Variants in TOX2 observed in about 807,000 individuals in gnomAD.
TOX2 encodes TOX high mobility group box family member 2.
Under a neutral mutation model 47.4 loss-of-function variants are expected in TOX2, and 15 were observed. That is an observed-to-expected ratio of 0.32 (90% CI 0.21 to 0.49). TOX2 has a LOEUF of 0.49. TOX2 is among the 20% of genes least tolerant of loss of function. TOX2 has a pLI of 0.99. For missense variants in TOX2, 622 were observed against 673.1 expected (o/e 0.92, Z 0.84); for synonymous variants, 290 against 296.6 (o/e 0.98, Z 0.23).
chr20:43,933,532 G>A (rs1009596229), intron 1 of TOX2, among the ~76,000 whole-genome samples: 3 of 152,214 alleles, frequency 2.0e-5, no homozygotes, highest in African/African-American at 7.2e-5. Flanking sequence ...CAAGGCGCTT[G>A]TGTTAGGCTG....
At chr20:43,933,593 T>A (rs2069283825) in intron 1 of TOX2, among the ~76,000 whole-genome samples, 1 of 152,008 alleles carries the variant, frequency 6.6e-6, no homozygotes, top group Non-Finnish European at 1.5e-5. Context: ...AGAGGTTTGG[T>A]GGGGAGTGAT....
intron 3 of TOX2, among the ~76,000 whole-genome samples, chr20:44,015,132 T>C (rs2070856923): frequency 6.6e-6 from 1 of 152,144 alleles, no homozygotes; most frequent in Admixed American, 6.5e-5. Context: ...GGGGGAGCAC[T>C]GATCTCCCAA....
At chr20:44,011,355 G>A (rs1469262362) in intron 3 of TOX2, among the ~76,000 whole-genome samples, 1 of 152,132 alleles carries the variant, frequency 6.6e-6, no homozygotes, top group Non-Finnish European at 1.5e-5. Flanking sequence ...TGCCCTTGAG[G>A]GACTCCTGGT....
rs1555842270 is a variant in TOX2, at chr20:44,026,228, G to GATATATATATAGATATAT, written c.411+19447_411+19448insGATATATATATATATATA. ...TCGATCGAGTGGATAAAGAAACTGT[G>GATATATATATAGATATAT]ATATATATATATATATATATAGACA... On this transcript the variant is annotated intron_variant, in intron 3 of 8. Coordinates refer to ENST00000341197, the MANE Select transcript of TOX2 (RefSeq NM_001098797.2). Among the ~76,000 whole-genome samples the GATATATATATAGATATAT allele has an allele frequency of 5.0e-5, 3 of 60,242 alleles. 1 individual carries two copies. The highest frequency in any genetic ancestry group is 2.6e-4 in the Admixed American group (2 of 7,628). The allele number at this position is 60,242 out of a possible 152,430, so 39.5% of individuals were successfully genotyped here.
intron 4 of TOX2, among the ~76,000 whole-genome samples, chr20:44,053,789 A>G (rs755601644): frequency 9.3e-5 from 14 of 150,638 alleles, no homozygotes; most frequent in Non-Finnish European, 1.9e-4. Flanking sequence ...TTGATTCATT[A>G]TTCACTATTG....
chr20:43,961,473 G>A (rs1196999809), intron 1 of TOX2, among the ~76,000 whole-genome samples: 3 of 152,304 alleles, frequency 2.0e-5, no homozygotes, highest in South Asian at 2.1e-4. Context: ...GGAGAGCCAC[G>A]CAGAGGCCTT....
chr20:43,920,443 A>G lies in TOX2; in HGVS notation c.99+5453A>G, dbSNP rs1039807550. Among the ~76,000 whole-genome samples, 20 of 152,156 alleles carry G rather than the reference A, an allele frequency of 1.3e-4. 1 individual carries two copies. The highest frequency in any genetic ancestry group is 1.0e-3 in the Admixed American group (16 of 15,276). ...TTCTTCAGGGGCACAGGTGGCTGCT[A>G]ATGGGTCCCATGGAAGGTACCCTGG... On this transcript the variant is annotated intron_variant, in intron 1 of 8. Coordinates refer to ENST00000341197, the MANE Select transcript of TOX2 (RefSeq NM_001098797.2).
Position 43,988,236 on chromosome 20 carries a change from G to C in TOX2, c.165+14804G>C, listed in dbSNP as rs77020032. 9.3e-4 allele frequency among the ~76,000 whole-genome samples: 142 copies of C among 152,224 alleles called. 1 individual carries two copies. In the East Asian group the frequency reaches 0.024, roughly 26 times the overall value. The stretch of plus-strand genomic sequence containing the variant: ...CCTGGCCGAAACATCAACACTTAAA[G>C]CACATGCATATGTGTGTGTGTGTAT... On this transcript the variant is annotated intron_variant, in intron 2 of 8. Transcript: ENST00000341197.
intron 2 of TOX2, among the ~76,000 whole-genome samples, chr20:43,999,751 G>T (rs2070542625): frequency 6.6e-6 from 1 of 152,194 alleles, no homozygotes; most frequent in African/African-American, 2.4e-5. Flanking sequence ...GGAATTGCCA[G>T]GGGGCCTGAA....
Position 44,069,068 on chromosome 20 carries a change from C to T in TOX2, c.*382C>T, listed in dbSNP as rs534192320. ...CGGACACCCACCCCAGATGCATGGG[C>T]CAGAGGGCCGGCCCCCGGCATAGAT... On this transcript the variant is annotated 3_prime_UTR_variant, in exon 9 of 9. Transcript: ENST00000341197. The T allele has an allele frequency of 3.3e-5, 13 of 392,744 alleles. No individual in the cohort carries two copies. The highest frequency in any genetic ancestry group is 5.9e-5 in the Non-Finnish European group (12 of 203,266). The allele number at this position is 392,744 out of a possible 1,614,324, so 24.3% of individuals were successfully genotyped here.
intron 3 of TOX2, among the ~76,000 whole-genome samples, chr20:44,022,316 G>T (rs11905020): frequency 0.015 from 2,287 of 151,670 alleles, 65 homozygotes; most frequent in African/African-American, 0.051. Context: ...GTTTTTTTTT[G>T]TGTGTGTAAA....
At chr20:43,951,073 C>G (rs1456244157) in intron 1 of TOX2, among the ~76,000 whole-genome samples, 1 of 152,036 alleles carries the variant, frequency 6.6e-6, no homozygotes, top group Admixed American at 6.5e-5. Context: ...CTGCATTGGC[C>G]AGAAGCCCCT....
At chr20:44,026,228 G>GAGATATATATATATATATATATATAT (rs1555842268) in intron 3 of TOX2, among the ~76,000 whole-genome samples, 13 of 60,250 alleles carry the variant, frequency 2.2e-4, no homozygotes, top group Non-Finnish European at 3.1e-4. Context: ...AAGAAACTGT[G>GAGATATATATATATATATATATATAT]ATATATATAT....
intron 1 of TOX2, among the ~76,000 whole-genome samples, chr20:43,937,905 G>A (rs917360006): frequency 2.0e-5 from 3 of 152,162 alleles, no homozygotes; most frequent in African/African-American, 7.2e-5. Flanking sequence ...GCACAGATTG[G>A]AAAAATGGGA....
At chr20:44,027,853 G>C (rs774420328) in intron 3 of TOX2, among the ~76,000 whole-genome samples, 10 of 152,284 alleles carry the variant, frequency 6.6e-5, no homozygotes, top group South Asian at 4.1e-4. Flanking sequence ...CAAATGCTTC[G>C]AGGTGGAGGA....
intron 3 of TOX2, among the ~76,000 whole-genome samples, chr20:44,020,268 A>G (rs528671635): frequency 1.3e-5 from 2 of 152,292 alleles, no homozygotes; most frequent in African/African-American, 4.8e-5. Flanking sequence ...ACAGGCCAGA[A>G]GTAGGTGGAG....
At chr20:44,021,637 A>G (rs770099534) in intron 3 of TOX2, among the ~76,000 whole-genome samples, 40 of 151,552 alleles carry the variant, frequency 2.6e-4, no homozygotes, top group Admixed American at 7.9e-4. Flanking sequence ...CACTAGGTCG[A>G]CTTTTTTTTG....
chr20:43,942,257 A>G (rs1381658048), intron 1 of TOX2, among the ~76,000 whole-genome samples: 1 of 152,198 alleles, frequency 6.6e-6, no homozygotes, highest in East Asian at 1.9e-4. Flanking sequence ...TCTTAACATT[A>G]GTAAACAGAG....
chr20:43,997,006 T>C, intron 2 of TOX2, among the ~76,000 whole-genome samples: 1 of 152,182 alleles, frequency 6.6e-6, no homozygotes, highest in East Asian at 1.9e-4. Context: ...CCAAGAATCA[T>C]TTCTCACCAT....
Sources: gnomAD v4.1 joint callset for allele counts (sites outside exome capture counted in the v4.1 genomes callset) on GRCh38, gnomAD v4.1.1 for gene constraint, MANE v1.5 for transcripts, NCBI Gene and HGNC (gene_info 2026-07-23, HGNC 2026-07-21) for gene names.